IQCM: variants seen among roughly 807,000 people sequenced by gnomAD.
The protein encoded by IQCM is IQ motif containing M.
A neutral mutation model predicts 57.6 loss-of-function variants in IQCM; 45 were observed. The ratio of observed to expected loss-of-function variants is 0.78; its 90% CI spans 0.62 to 1.00. IQCM has a LOEUF of 1.00. IQCM is among the 50% of genes least tolerant of loss of function. The pLI, the probability that IQCM is intolerant of heterozygous loss-of-function variation, is 0.00. For missense variants in IQCM, 468 were observed against 511.6 expected (o/e 0.91, Z 0.82); for synonymous variants, 148 against 158.9 (o/e 0.93, Z 0.51).
intron 12 of IQCM, among the ~76,000 whole-genome samples, chr4:149,515,913 G>A (rs1385430469): frequency 6.6e-6 from 1 of 152,174 alleles, no homozygotes; most frequent in African/African-American, 2.4e-5. Context: ...CTTACCAACT[G>A]GTGACCTCAG....
chr4:149,376,572 A>G (rs1730712857), intron 13 of IQCM, among the ~76,000 whole-genome samples: 1 of 152,094 alleles, frequency 6.6e-6, no homozygotes, highest in Admixed American at 6.6e-5. Flanking sequence ...TGAGATGACA[A>G]TGTGCAGTGA....
intron 13 of IQCM, among the ~76,000 whole-genome samples, chr4:149,407,036 T>A (rs1409240322): frequency 2.6e-5 from 4 of 151,860 alleles, no homozygotes; most frequent in Non-Finnish European, 4.4e-5. Context: ...ACGTTTTACA[T>A]GGTGGCAGGC....
chr4:149,384,909 TG>T (rs1218619337), intron 13 of IQCM, among the ~76,000 whole-genome samples: 1 of 152,140 alleles, frequency 6.6e-6, no homozygotes, highest in Non-Finnish European at 1.5e-5. Flanking sequence ...TCTATTTCTG[TG>T]GTGTGTTTGT....
At chr4:149,619,887 T>C (rs919862314) in intron 8 of IQCM, among the ~76,000 whole-genome samples, 1 of 152,168 alleles carries the variant, frequency 6.6e-6, no homozygotes, top group African/African-American at 2.4e-5. Context: ...CCGGGCATGG[T>C]GGCTGACACC....
rs577471942 is a variant in IQCM at position 149,667,017 on chromosome 4, G to A, written c.565+15101C>T. Among the ~76,000 whole-genome samples the A allele has an allele frequency of 5.3e-5, 8 of 152,228 alleles. No individual in the cohort carries two copies. The South Asian group carries it at 8.3e-4, about 16-fold the overall frequency. The stretch of plus-strand genomic sequence containing the variant: ...GGGCACAGCTTCAGCAGACTTAAAC[G>A]TCCCTGCCTGCCAGCTCTGAAAAGA... On this transcript the variant is annotated intron_variant, in intron 7 of 13. Coordinates refer to ENST00000636793, the MANE Select transcript of IQCM (RefSeq NM_001363507.2).
At chr4:149,582,801 A>T (rs1006048432) in intron 9 of IQCM, among the ~76,000 whole-genome samples, 2 of 151,698 alleles carry the variant, frequency 1.3e-5, no homozygotes, top group African/African-American at 4.8e-5. Context: ...GTCTAATGAT[A>T]AGCAGGCTAA....
In IQCM at chr4:149,606,452, C is replaced by A. The variant is rs983394956; in HGVS notation, c.681+14677G>T. Among the ~76,000 whole-genome samples the A allele has an allele frequency of 5.3e-5, 8 of 152,136 alleles. No individual in the cohort carries two copies. In the East Asian group the frequency reaches 1.5e-3, roughly 29 times the overall value. ...TCAAGAAGTATGAATACAAACAAGC[C>A]CAAACCACAAAGGTTGAAATAAATA... On this transcript the variant is annotated intron_variant, in intron 8 of 13. Transcript: ENST00000636793.
intron 8 of IQCM, among the ~76,000 whole-genome samples, chr4:149,598,528 CAAAT>C (rs1003090712): frequency 1.3e-5 from 2 of 151,720 alleles, no homozygotes; most frequent in African/African-American, 4.8e-5. Context: ...ATGGAAAGAA[CAAAT>C]AAAGGGCAAA....
chr4:149,488,352 G>A (rs143313623), intron 12 of IQCM, among the ~76,000 whole-genome samples: 9 of 152,180 alleles, frequency 5.9e-5, no homozygotes, highest in Non-Finnish European at 4.4e-5. Flanking sequence ...ATGCTAAAAT[G>A]AGCCAACTAT....
chr4:149,533,100 A>C (rs1746916900), intron 12 of IQCM, among the ~76,000 whole-genome samples: 1 of 152,248 alleles, frequency 6.6e-6, no homozygotes, highest in East Asian at 1.9e-4. Context: ...CAAGTAATTT[A>C]GTGTATTTAA....
Position 149,539,146 on chromosome 4 carries a change from A to G in IQCM, c.1228+9309T>C, listed in dbSNP as rs572588666. ...CATTATTCATAACAAAAAGGTGGAA[A>G]CAACCCAAATGTCCATCAACTAATG... On this transcript the variant is annotated intron_variant, in intron 12 of 13. Coordinates refer to ENST00000636793, the MANE Select transcript of IQCM (RefSeq NM_001363507.2). Among the ~76,000 whole-genome samples, 6 of 152,300 alleles carry G rather than the reference A, an allele frequency of 3.9e-5. No homozygotes were observed. In the South Asian group the frequency reaches 1.2e-3, roughly 32 times the overall value.
At chr4:149,715,471 A>G (rs1019943376) in intron 5 of IQCM, among the ~76,000 whole-genome samples, 2 of 152,124 alleles carry the variant, frequency 1.3e-5, no homozygotes, top group African/African-American at 4.8e-5. Flanking sequence ...AGCCCCAAAG[A>G]GAGTGTCACA....
chr4:149,548,230 C>A (rs917176937), intron 12 of IQCM, among the ~76,000 whole-genome samples: 15 of 152,080 alleles, frequency 9.9e-5, no homozygotes, highest in Non-Finnish European at 1.9e-4. Flanking sequence ...TCCAAAAAAA[C>A]CTGTATTGTA....
chr4:149,540,382 T>C (rs1354492902), intron 12 of IQCM, among the ~76,000 whole-genome samples: 1 of 151,160 alleles, frequency 6.6e-6, no homozygotes, highest in Non-Finnish European at 1.5e-5. Flanking sequence ...CCCCACAAGC[T>C]ATGTCACTAC....
chr4:149,361,047 G>A (rs976971231), intron 13 of IQCM, among the ~76,000 whole-genome samples: 12 of 152,180 alleles, frequency 7.9e-5, no homozygotes, highest in African/African-American at 2.9e-4. Flanking sequence ...ATGGAGATGA[G>A]GAAGCTGTTG....
chr4:149,568,963 G>C (rs1750899583), intron 9 of IQCM, among the ~76,000 whole-genome samples: 1 of 152,114 alleles, frequency 6.6e-6, no homozygotes, highest in Admixed American at 6.6e-5. Flanking sequence ...TTGTGAATCG[G>C]TCTAGCCAAT....
chr4:149,406,271 A>G (rs931778702), intron 13 of IQCM, among the ~76,000 whole-genome samples: 2 of 152,102 alleles, frequency 1.3e-5, no homozygotes, highest in Non-Finnish European at 2.9e-5. Context: ...TATAAACATG[A>G]TATGGTGACA....
At chr4:149,563,544 C>T in intron 10 of IQCM, 148 bp downstream of exon 10, 1 of 475,510 alleles carries the variant, frequency 2.1e-6, no homozygotes, top group Non-Finnish European at 3.3e-6. Context: ...CAAGATCACG[C>T]CATTGCACTC....
intron 8 of IQCM, among the ~76,000 whole-genome samples, chr4:149,611,166 A>C (rs1486623734): frequency 6.6e-6 from 1 of 152,118 alleles, no homozygotes; most frequent in Non-Finnish European, 1.5e-5. Flanking sequence ...ATATCATCTC[A>C]ACCCAGTAAA....
Sources: allele counts gnomAD v4.1 joint callset (sites outside exome capture counted in the v4.1 genomes callset), GRCh38; gene constraint gnomAD v4.1.1; transcripts MANE v1.5; gene names NCBI Gene and HGNC (gene_info 2026-07-23, HGNC 2026-07-21).